RTCA: variants seen among roughly 807,000 people sequenced by gnomAD.
The protein encoded by RTCA is RNA 3'-terminal phosphate cyclase, also known as RNA terminal phosphate cyclase domain 1.
A neutral mutation model predicts 46.1 loss-of-function variants in RTCA; 37 were observed. That is an observed-to-expected ratio of 0.80 (90% CI 0.62 to 1.06). RTCA has a LOEUF of 1.06. RTCA is among the 50% of genes least tolerant of loss of function. RTCA has a pLI of 0.00. For missense variants in RTCA, 435 were observed against 455.5 expected (o/e 0.95, Z 0.41); for synonymous variants, 164 against 158.3 (o/e 1.04, Z -0.27).
intron 10 of RTCA, among the ~76,000 whole-genome samples, chr1:100,290,756 ACT>A (rs748680612): frequency 4.6e-5 from 7 of 152,168 alleles, no homozygotes; most frequent in Non-Finnish European, 7.4e-5. Flanking sequence ...ACAGAGCAAG[ACT>A]CTGTCTCAAA....
intron 3 of RTCA, among the ~76,000 whole-genome samples, chr1:100,269,382 G>A (rs529064985): frequency 4.8e-4 from 44 of 91,706 alleles, no homozygotes; most frequent in African/African-American, 2.0e-3. Context: ...TTTTTTTTTT[G>A]GTCTCCCAGG....
At chr1:100,267,956 A>C in intron 2 of RTCA, 196 bp from the exon 3 acceptor site, 1 of 627,976 alleles carries the variant, frequency 1.6e-6, no homozygotes, top group Middle Eastern at 2.9e-4. Flanking sequence ...TCTGCAAGGA[A>C]GTGTTAAAAT....
chr1:100,278,922 G>C (rs2100802772), intron 8 of RTCA, among the ~76,000 whole-genome samples: 1 of 152,334 alleles, frequency 6.6e-6, no homozygotes, highest in East Asian at 1.9e-4. Flanking sequence ...ATCTGTGGGA[G>C]TGGGGCCCAG....
At position 100,268,307 on chromosome 1, in the gene RTCA, T is replaced by C. The variant is rs1665895500; in HGVS notation, c.290+12T>C. On this transcript the variant is annotated intron_variant, in intron 3 of 10. Coordinates refer to ENST00000370128, the MANE Select transcript of RTCA (RefSeq NM_003729.4). Reference sequence around the variant, plus strand: ...ACCAAGACAGCAGGGTATGTATCACTTAACATTCCATTTAAGTAACCTGGG... The same window carrying C: ...ACCAAGACAGCAGGGTATGTATCACCTAACATTCCATTTAAGTAACCTGGG... 1.9e-6 allele frequency: 3 copies of C among 1,583,938 alleles called. No homozygotes were observed. The highest frequency in any genetic ancestry group is 1.8e-5 in the Admixed American group (1 of 56,042).
intron 3 of RTCA, 143 bp downstream of exon 3, chr1:100,268,438 C>A (rs1401866828): frequency 2.6e-5 from 18 of 685,386 alleles, no homozygotes; most frequent in Non-Finnish European, 3.4e-5. Flanking sequence ...CCCTCTTGCC[C>A]AGGCGGGGGT....
chr1:100,278,805 C>T (rs1666537645), intron 8 of RTCA, among the ~76,000 whole-genome samples: 3 of 152,282 alleles, frequency 2.0e-5, no homozygotes, highest in South Asian at 2.1e-4. Context: ...CTGTCTAAAA[C>T]TGTGCTATTC....
At chr1:100,274,664 TTTTTAATG>T (rs1191510331) in intron 5 of RTCA, among the ~76,000 whole-genome samples, 152 bp from the exon 6 acceptor site, 1 of 152,238 alleles carries the variant, frequency 6.6e-6, no homozygotes, top group African/African-American at 2.4e-5. Flanking sequence ...AAAATTTTGT[TTTTTAATG>T]TATAAAATTT....
At position 100,268,247 on chromosome 1, in the gene RTCA, C is replaced by T. The variant is rs1306812567; in HGVS notation, c.242C>T (p.Pro81Leu). 6.2e-7 allele frequency: 1 copy of T among 1,613,936 alleles called. No individual in the cohort carries two copies. The highest frequency in any genetic ancestry group is 2.2e-5 in the East Asian group (1 of 44,892). ...GGCTCAACAGAAATAACCTTTACACCAGAGAAGATCAAAGGTGGAATCCAC... is the reference window on the plus strand; with the variant it reads ...GGCTCAACAGAAATAACCTTTACACTAGAGAAGATCAAAGGTGGAATCCAC... ...EIGSTEITFT[P>L]EKIKGGIHTA... is the part of the protein sequence containing the mutation. The change falls in exon 3 of 11, where the codon CCA (proline) becomes CTA (leucine). Residue 81 changes from proline to leucine, a missense_variant. Coordinates refer to ENST00000370128, the MANE Select transcript of RTCA (RefSeq NM_003729.4).
At chr1:100,282,315 GTGTACCTGC>G (rs1666751851) in intron 8 of RTCA, among the ~76,000 whole-genome samples, 1 of 152,180 alleles carries the variant, frequency 6.6e-6, no homozygotes, top group Non-Finnish European at 1.5e-5. Context: ...GAAAACTTTA[GTGTACCTGC>G]TGTTTTCTAG....
At chr1:100,277,429 T>C (rs1250307626) in intron 8 of RTCA, 113 bp downstream of exon 8, 1 of 953,164 alleles carries the variant, frequency 1.0e-6, no homozygotes, top group African/African-American at 1.7e-5. Flanking sequence ...ATGTAGTTAA[T>C]TGATTCTCTT....
chr1:100,266,688 G>A, intron 2 of RTCA, 64 bp downstream of exon 2: 1 of 1,406,758 alleles, frequency 7.1e-7, no homozygotes, highest in Non-Finnish European at 9.8e-7. Flanking sequence ...GGGCTGCCGG[G>A]CTGGGGCATC....
At chr1:100,289,599 A>C (rs1557982687) in intron 10 of RTCA, among the ~76,000 whole-genome samples, 1 of 152,226 alleles carries the variant, frequency 6.6e-6, no homozygotes, top group Non-Finnish European at 1.5e-5. Context: ...CTGTATTTAT[A>C]ACTATTACTT....
rs189616830 is a variant in RTCA, at chr1:100,271,041, C to T, written c.414+361C>T. Among the ~76,000 whole-genome samples the T allele has an allele frequency of 1.1e-3, 163 of 151,948 alleles. No individual in the cohort carries two copies. The East Asian group carries it at 0.021, about 20-fold the overall frequency. ...AACTCCTGAGCTCTAAGGATCCTCC[C>T]ACCTCAGCCTCCCAAATGTGTCTAT... On this transcript the variant is annotated intron_variant, in intron 4 of 10. Transcript: ENST00000370128.
intron 2 of RTCA, chr1:100,266,980 A>C (rs1665818986): frequency 3.3e-6 from 1 of 300,692 alleles, no homozygotes; most frequent in African/African-American, 2.1e-5. Flanking sequence ...CGCCAGAGGA[A>C]ACCCTGTTTT....
chr1:100,291,284 T>G, intron 10 of RTCA, 119 bp from the exon 11 acceptor site: 2 of 616,218 alleles, frequency 3.2e-6, no homozygotes, highest in Non-Finnish European at 5.8e-6. Flanking sequence ...TCTTTGTGTC[T>G]CTGTAGGTTT....
intron 10 of RTCA, among the ~76,000 whole-genome samples, chr1:100,288,932 C>G (rs1667177643): frequency 6.6e-6 from 1 of 151,970 alleles, no homozygotes; most frequent in Admixed American, 6.6e-5. Context: ...AAGCAATTCT[C>G]ATGCCTCAGC....
In RTCA at chr1:100,287,126, G is replaced by A. The variant is rs927031641; in HGVS notation, c.922G>A (p.Gly308Arg). ...QLIVFMALAN[G>R]VSRIKTGPVT... ...GATTGTTTTCATGGCATTAGCCAATGGAGTTTCCAGAATAAAAACAGGACC... is the reference window on the plus strand; with the variant it reads ...GATTGTTTTCATGGCATTAGCCAATAGAGTTTCCAGAATAAAAACAGGACC... Residue 308 changes from glycine to arginine, a missense_variant, in exon 10 of 11, where the codon GGA becomes AGA. Transcript: ENST00000370128. 3 of 1,579,422 alleles carry A rather than the reference G, an allele frequency of 1.9e-6. No homozygotes were observed. The highest frequency in any genetic ancestry group is 2.8e-5 in the African/African-American group (2 of 72,666).
At chr1:100,271,167 G>A (rs560524450) in intron 4 of RTCA, among the ~76,000 whole-genome samples, 9 of 151,626 alleles carry the variant, frequency 5.9e-5, no homozygotes, top group Non-Finnish European at 8.8e-5. Context: ...TGTAGGGCCC[G>A]GTGTGGTGGC....
At chr1:100,276,273 G>A (rs866072302) in intron 7 of RTCA, among the ~76,000 whole-genome samples, 6 of 152,150 alleles carry the variant, frequency 3.9e-5, no homozygotes, top group Admixed American at 3.3e-4. Context: ...GAACTTAAAC[G>A]TTTAATCAGA....
Sources: gnomAD v4.1 joint callset for allele counts (sites outside exome capture counted in the v4.1 genomes callset) on GRCh38, gnomAD v4.1.1 for gene constraint, MANE v1.5 for transcripts, NCBI Gene and HGNC (gene_info 2026-07-23, HGNC 2026-07-21) for gene names.